THSD7B: variants seen among roughly 807,000 people sequenced by gnomAD.
The protein encoded by THSD7B is thrombospondin type-1 domain-containing protein 7B.
Under a neutral mutation model 213.6 loss-of-function variants are expected in THSD7B, and 138 were observed. The ratio of observed to expected loss-of-function variants is 0.65; its 90% CI spans 0.56 to 0.74. The LOEUF is 0.74. Ranked by LOEUF, THSD7B falls within the 30% of genes least tolerant of loss-of-function variation. The pLI is 0.00. For synonymous variants in THSD7B, 742 were observed against 687.0 expected (o/e 1.08, Z -1.25); for missense variants, 1,931 against 1,991.5 (o/e 0.97, Z 0.58).
intron 3 of THSD7B, among the ~76,000 whole-genome samples, chr2:137,088,970 T>A (rs1038360629): frequency 5.9e-5 from 9 of 151,918 alleles, no homozygotes; most frequent in African/African-American, 1.9e-4. Context: ...ATAAAAAAAA[T>A]TAGTTGTGGT....
At chr2:136,820,239 T>C (rs1489923270) in intron 1 of THSD7B, among the ~76,000 whole-genome samples, 1 of 152,218 alleles carries the variant, frequency 6.6e-6, no homozygotes, top group Non-Finnish European at 1.5e-5. Flanking sequence ...TAGTATTGGT[T>C]GAACTACAAA....
intron 7 of THSD7B, among the ~76,000 whole-genome samples, chr2:137,188,447 G>T (rs1558951663): frequency 6.6e-6 from 1 of 151,854 alleles, no homozygotes; most frequent in Non-Finnish European, 1.5e-5. Flanking sequence ...TTAGTTCCAG[G>T]GCCTCCTAAT....
At chr2:137,637,443 T>C (rs1272928300) in intron 20 of THSD7B, among the ~76,000 whole-genome samples, 1 of 152,232 alleles carries the variant, frequency 6.6e-6, no homozygotes. Context: ...TTATTAGCAA[T>C]AGTTTTTGTT....
At chr2:137,050,237 A>G (rs1687043809) in intron 2 of THSD7B, among the ~76,000 whole-genome samples, 1 of 152,152 alleles carries the variant, frequency 6.6e-6, no homozygotes, top group Admixed American at 6.5e-5. Flanking sequence ...GAATTTTTAG[A>G]AAGTAGCATT....
chr2:136,817,021 G>T (rs1290165901), intron 1 of THSD7B, among the ~76,000 whole-genome samples: 1 of 152,162 alleles, frequency 6.6e-6, no homozygotes, highest in Non-Finnish European at 1.5e-5. Flanking sequence ...GGTTAGAGTA[G>T]ATTCTAGGAG....
intron 15 of THSD7B, among the ~76,000 whole-genome samples, chr2:137,513,675 T>C (rs1680013132): frequency 6.6e-6 from 1 of 152,202 alleles, no homozygotes; most frequent in Non-Finnish European, 1.5e-5. Flanking sequence ...CTTTCTGTCT[T>C]ATTTAGAGTA....
At chr2:137,584,739 A>G (rs559130785) in intron 17 of THSD7B, among the ~76,000 whole-genome samples, 1 of 152,284 alleles carries the variant, frequency 6.6e-6, no homozygotes, top group South Asian at 2.1e-4. Flanking sequence ...TCGGTTTGCA[A>G]GTATTTTATT....
At chr2:137,403,071 G>A (rs970722133) in intron 12 of THSD7B, among the ~76,000 whole-genome samples, 1 of 152,128 alleles carries the variant, frequency 6.6e-6, no homozygotes, top group South Asian at 2.1e-4. Flanking sequence ...CAAAGAAAAT[G>A]CAGGTGATGT....
intron 2 of THSD7B, among the ~76,000 whole-genome samples, chr2:136,919,980 G>A (rs1450947668): frequency 1.3e-5 from 2 of 152,242 alleles, no homozygotes; most frequent in African/African-American, 4.8e-5. Context: ...GGAGATGTCA[G>A]GATTGCAGAG....
rs139859544 is a variant in THSD7B at position 136,794,061 on chromosome 2, G to A, written c.-36+28374G>A. 1.2e-3 allele frequency among the ~76,000 whole-genome samples: 183 copies of A among 150,460 alleles called. 1 individual carries two copies. The highest frequency in any genetic ancestry group is 4.3e-3 in the African/African-American group (176 of 41,096). On this transcript the variant is annotated intron_variant, in intron 1 of 27. Coordinates refer to ENST00000409968, the MANE Select transcript of THSD7B (RefSeq NM_001316349.2). ...ATATTCTCTCATTATCTGTTTCCGTGTGGTGATGCCCCTCATTAATTCCTG... is the reference window on the plus strand; with the variant it reads ...ATATTCTCTCATTATCTGTTTCCGTATGGTGATGCCCCTCATTAATTCCTG...
At chr2:137,544,804 T>G (rs890493051) in intron 15 of THSD7B, among the ~76,000 whole-genome samples, 1 of 151,852 alleles carries the variant, frequency 6.6e-6, no homozygotes, top group Non-Finnish European at 1.5e-5. Flanking sequence ...GTTATAAAAT[T>G]AAAGACTTCT....
intron 2 of THSD7B, among the ~76,000 whole-genome samples, chr2:136,983,377 A>ACT (rs1553462397): frequency 6.8e-6 from 1 of 146,302 alleles, no homozygotes; most frequent in African/African-American, 2.7e-5. Flanking sequence ...ACACGCACAC[A>ACT]CACTCACTCT....
chr2:137,116,920 A>G (rs1688455890), intron 5 of THSD7B, among the ~76,000 whole-genome samples: 1 of 152,190 alleles, frequency 6.6e-6, no homozygotes, highest in African/African-American at 2.4e-5. Context: ...GCACACTTGG[A>G]AATTAATATC....
chr2:136,898,434 A>G (rs2105009233), intron 2 of THSD7B, among the ~76,000 whole-genome samples: 1 of 152,244 alleles, frequency 6.6e-6, no homozygotes, highest in South Asian at 2.1e-4. Context: ...CGTCTTCCAA[A>G]GTGCTGGGAT....
intron 7 of THSD7B, among the ~76,000 whole-genome samples, chr2:137,193,259 A>T (rs1194525666): frequency 6.6e-6 from 1 of 152,208 alleles, no homozygotes; most frequent in Non-Finnish European, 1.5e-5. Flanking sequence ...ATTCATGTGG[A>T]TGTGTAACTT....
intron 12 of THSD7B, among the ~76,000 whole-genome samples, chr2:137,368,990 ATGTT>A (rs1447973907): frequency 2.6e-5 from 4 of 152,078 alleles, no homozygotes; most frequent in African/African-American, 9.7e-5. Flanking sequence ...GGAGAATTGA[ATGTT>A]AGTAGTAACT....
intron 2 of THSD7B, among the ~76,000 whole-genome samples, chr2:136,904,594 C>T (rs1558846243): frequency 6.6e-6 from 1 of 152,156 alleles, no homozygotes; most frequent in Non-Finnish European, 1.5e-5. Context: ...AGGTTCCCTG[C>T]CCTGTGGCAG....
chr2:137,252,911 C>CTTTTTTTTT (rs754932566), intron 10 of THSD7B, among the ~76,000 whole-genome samples: 5 of 80,662 alleles, frequency 6.2e-5, no homozygotes, highest in African/African-American at 1.9e-4. Context: ...AAAAGGCTTG[C>CTTTTTTTTT]TTTTTTTTTT....
chr2:137,609,622 T>A (rs1682250524), intron 17 of THSD7B, among the ~76,000 whole-genome samples: 1 of 152,200 alleles, frequency 6.6e-6, no homozygotes, highest in African/African-American at 2.4e-5. Context: ...CATTCAGATA[T>A]AATGCTGGAC....
Sources: gnomAD v4.1 joint callset for allele counts (sites outside exome capture counted in the v4.1 genomes callset) on GRCh38, gnomAD v4.1.1 for gene constraint, MANE v1.5 for transcripts, NCBI Gene and HGNC (gene_info 2026-07-23, HGNC 2026-07-21) for gene names.